ARHGEF33: variants seen among roughly 807,000 people sequenced by gnomAD.
ARHGEF33 encodes Rho guanine nucleotide exchange factor 33.
ARHGEF33 carries 72 observed loss-of-function variants against 101.9 expected under a neutral mutation model. The observed-to-expected ratio is 0.71, with a 90% CI of 0.58 to 0.86. The LOEUF (loss-of-function observed/expected upper bound fraction) is 0.86, where lower values mean the gene tolerates loss of function less well. ARHGEF33 is among the 40% of genes least tolerant of loss of function. ARHGEF33 has a pLI of 0.00. For missense variants in ARHGEF33, 1,169 were observed against 1,111.3 expected (o/e 1.05, Z -0.74); for synonymous variants, 499 against 442.5 (o/e 1.13, Z -1.60).
At chr2:38,972,790 CT>C (rs1668193832) in intron 17 of ARHGEF33, among the ~76,000 whole-genome samples, 1 of 152,170 alleles carries the variant, frequency 6.6e-6, no homozygotes, top group Admixed American at 6.5e-5. Context: ...GGAAGCATAC[CT>C]GACAGCCTCA....
At chr2:38,967,655 A>C (rs1455520753) in intron 17 of ARHGEF33, among the ~76,000 whole-genome samples, 1 of 152,034 alleles carries the variant, frequency 6.6e-6, no homozygotes, top group Non-Finnish European at 1.5e-5. Context: ...GGTTCACTGC[A>C]GCCTCTGCCT....
chr2:38,897,314 A>T (rs1666143783), intron 2 of ARHGEF33, among the ~76,000 whole-genome samples: 1 of 152,268 alleles, frequency 6.6e-6, no homozygotes, highest in African/African-American at 2.4e-5. Flanking sequence ...TACTTTTCAC[A>T]GTATCACACT....
chr2:38,958,409 A>G lies in ARHGEF33; in HGVS notation c.1535+211A>G, dbSNP rs573170154. ...GAAAGTGGGAAGAGAGGCAGAAAGT[A>G]GATATTTACTTCATGGATCACTTCA... On this transcript the variant is annotated intron_variant, in intron 15 of 17. Transcript: ENST00000409978. Among the ~76,000 whole-genome samples, 37 of 152,362 alleles carry G rather than the reference A, an allele frequency of 2.4e-4. 1 individual carries two copies. Among genetic ancestry groups the G allele is most frequent in the Middle Eastern group, 6.8e-3 (2 of 294 alleles).
At chr2:38,935,708 C>A in intron 7 of ARHGEF33, 67 bp from the exon 8 acceptor site, 1 of 1,327,240 alleles carries the variant, frequency 7.5e-7, no homozygotes, top group Non-Finnish European at 1.1e-6. Flanking sequence ...CAGTGCCAGG[C>A]TCGTGGAAGG....
intron 10 of ARHGEF33, among the ~76,000 whole-genome samples, chr2:38,948,239 A>T (rs954372870): frequency 3.9e-5 from 6 of 152,056 alleles, no homozygotes; most frequent in African/African-American, 1.4e-4. Context: ...CTGTCTTCTG[A>T]TTTCACACTC....
At chr2:38,953,935 C>T (rs1273094398) in intron 12 of ARHGEF33, among the ~76,000 whole-genome samples, 4 of 152,202 alleles carry the variant, frequency 2.6e-5, no homozygotes, top group Non-Finnish European at 4.4e-5. Flanking sequence ...ATGTTTTCTG[C>T]GGCCAGGCCA....
At chr2:38,914,335 A>T (rs1388536199) in intron 2 of ARHGEF33, among the ~76,000 whole-genome samples, 2 of 152,218 alleles carry the variant, frequency 1.3e-5, no homozygotes, top group Non-Finnish European at 2.9e-5. Flanking sequence ...TGATTAACAC[A>T]GTTCATTTGT....
chr2:38,927,825 A>G (rs1268744599), intron 4 of ARHGEF33, among the ~76,000 whole-genome samples: 1 of 152,234 alleles, frequency 6.6e-6, no homozygotes, highest in African/African-American at 2.4e-5. Context: ...CATAAATGTC[A>G]AGAAAGTAAT....
intron 10 of ARHGEF33, among the ~76,000 whole-genome samples, chr2:38,949,646 G>A (rs1395997547): frequency 6.6e-6 from 1 of 152,218 alleles, no homozygotes; most frequent in Non-Finnish European, 1.5e-5. Flanking sequence ...GGAGTAGCAA[G>A]CCAGGCCTGG....
intron 17 of ARHGEF33, among the ~76,000 whole-genome samples, chr2:38,967,732 C>T (rs576115520): frequency 9.2e-5 from 14 of 151,368 alleles, no homozygotes; most frequent in East Asian, 7.8e-4. Flanking sequence ...CCCGCCACCA[C>T]GCCCTGGCTA....
intron 8 of ARHGEF33, chr2:38,937,061 C>T: frequency 4.2e-6 from 1 of 237,662 alleles, no homozygotes; most frequent in East Asian, 1.1e-4. Flanking sequence ...ATGGGGCGAT[C>T]TCGGCTCACT....
rs1351979162 is a variant in ARHGEF33, at chr2:38,910,773, C to G, written c.-85-8590C>G. On this transcript the variant is annotated intron_variant, in intron 2 of 17. Transcript: ENST00000409978. ...TCTTCCTTGTATCAGTCCATTCAAC[C>G]AGTTTACGCAGATGGCTATCAGAGC... 5.9e-5 allele frequency among the ~76,000 whole-genome samples: 9 copies of G among 152,158 alleles called. 1 individual carries two copies. The highest frequency in any genetic ancestry group is 1.3e-4 in the Non-Finnish European group (9 of 68,038).
At chr2:38,898,144 A>G (rs1409846566) in intron 2 of ARHGEF33, among the ~76,000 whole-genome samples, 2 of 152,230 alleles carry the variant, frequency 1.3e-5, no homozygotes, top group African/African-American at 2.4e-5. Flanking sequence ...AATAAGGTAT[A>G]AAAAGTAGAC....
chr2:38,892,804 G>A (rs1017578684), intron 1 of ARHGEF33, among the ~76,000 whole-genome samples: 24 of 152,108 alleles, frequency 1.6e-4, no homozygotes, highest in East Asian at 3.8e-4. Flanking sequence ...TTGAAATGTC[G>A]CTTCTATCTG....
intron 10 of ARHGEF33, 147 bp from the exon 11 acceptor site, chr2:38,950,842 T>C (rs1667581887): frequency 2.8e-6 from 2 of 707,404 alleles, no homozygotes; most frequent in Non-Finnish European, 4.6e-6. Flanking sequence ...AGGTGTGCAA[T>C]GAAAAACTTT....
chr2:38,941,940 G>A (rs1160531889), intron 9 of ARHGEF33, among the ~76,000 whole-genome samples: 1 of 151,420 alleles, frequency 6.6e-6, no homozygotes, highest in Non-Finnish European at 1.5e-5. Flanking sequence ...TTGTAATGAT[G>A]TGAGTCTTTT....
intron 2 of ARHGEF33, among the ~76,000 whole-genome samples, chr2:38,900,006 A>G (rs1013875359): frequency 1.4e-5 from 2 of 146,812 alleles, no homozygotes; most frequent in African/African-American, 5.0e-5. Context: ...CCTGGGCAAG[A>G]AAGTGAGACC....
At chr2:38,951,636 CAT>C (rs1390431042) in intron 11 of ARHGEF33, among the ~76,000 whole-genome samples, 1 of 151,466 alleles carries the variant, frequency 6.6e-6, no homozygotes, top group Non-Finnish European at 1.5e-5. Flanking sequence ...TACATTAAAA[CAT>C]GTATATATAT....
intron 16 of ARHGEF33, among the ~76,000 whole-genome samples, chr2:38,965,398 C>G (rs1000790377): frequency 3.9e-5 from 6 of 152,142 alleles, no homozygotes; most frequent in African/African-American, 1.4e-4. Flanking sequence ...ACTTTATACT[C>G]CAAATAGCAT....
Sources: allele counts gnomAD v4.1 joint callset (sites outside exome capture counted in the v4.1 genomes callset), GRCh38; gene constraint gnomAD v4.1.1; transcripts MANE v1.5; gene names NCBI Gene and HGNC (gene_info 2026-07-23, HGNC 2026-07-21).